The following LEKR1 variants were observed in gnomAD, a reference collection of about 807,000 sequenced individuals.
The protein encoded by LEKR1 is protein LEKR1.
Under a neutral mutation model 72.4 loss-of-function variants are expected in LEKR1, and 59 were observed. That is an observed-to-expected ratio of 0.82 (90% CI 0.66 to 1.01). LEKR1 has a LOEUF of 1.01. Among genes scored for constraint, LEKR1 ranks in the 50% least tolerant of loss-of-function variants. The pLI, the probability that LEKR1 is intolerant of heterozygous loss-of-function variation, is 0.00. For synonymous variants in LEKR1, 257 were observed against 263.2 expected (o/e 0.98, Z 0.23); for missense variants, 728 against 759.2 (o/e 0.96, Z 0.48).
chr3:156,927,287 A>G (rs1294281556), intron 4 of LEKR1, 142 bp from the exon 5 acceptor site: 4 of 246,438 alleles, frequency 1.6e-5, no homozygotes, highest in Non-Finnish European at 3.1e-5. Flanking sequence ...GTCTCAGCAT[A>G]ATATGAATAC....
At chr3:157,033,751 A>C (rs148123574) in intron 12 of LEKR1, among the ~76,000 whole-genome samples, 1 of 152,228 alleles carries the variant, frequency 6.6e-6, no homozygotes, top group African/African-American at 2.4e-5. Context: ...ACAACCTTCT[A>C]TTGGAAGAAG....
chr3:156,855,402 A>T (rs1560027985), intron 3 of LEKR1, among the ~76,000 whole-genome samples: 1 of 152,124 alleles, frequency 6.6e-6, no homozygotes, highest in South Asian at 2.1e-4. Flanking sequence ...GAAGCTGAAC[A>T]TTTGTTTGTG....
intron 3 of LEKR1, among the ~76,000 whole-genome samples, chr3:156,883,158 T>TAAAG (rs765275377): frequency 7.2e-4 from 103 of 142,932 alleles, no homozygotes; most frequent in Non-Finnish European, 1.3e-3. Context: ...ATAATAATAA[T>TAAAG]AAAGAACGAA....
At chr3:156,846,847 C>T (rs1397328017) in intron 2 of LEKR1, among the ~76,000 whole-genome samples, 1 of 152,028 alleles carries the variant, frequency 6.6e-6, no homozygotes, top group Non-Finnish European at 1.5e-5. Context: ...AGGTCTTGCT[C>T]TGTTGCCCAG....
intron 9 of LEKR1, among the ~76,000 whole-genome samples, chr3:157,010,363 G>A (rs1050784074): frequency 6.6e-6 from 1 of 152,014 alleles, no homozygotes; most frequent in Non-Finnish European, 1.5e-5. Context: ...TGTCAGAGAT[G>A]ATTCAAACCT....
chr3:156,939,718 T>A (rs1726030344), intron 5 of LEKR1, among the ~76,000 whole-genome samples: 1 of 152,138 alleles, frequency 6.6e-6, no homozygotes. Context: ...TTTTTTAAAA[T>A]GAAGTTTTTA....
At chr3:156,921,238 G>A (rs1724165380) in intron 4 of LEKR1, among the ~76,000 whole-genome samples, 1 of 152,036 alleles carries the variant, frequency 6.6e-6, no homozygotes, top group South Asian at 2.1e-4. Flanking sequence ...ATGTTTATGA[G>A]AAAGAATAGT....
chr3:156,829,343 T>C lies in LEKR1; in HGVS notation c.14T>C (p.Ile5Thr). 1 of 1,534,776 alleles carries C rather than the reference T, an allele frequency of 6.5e-7. No homozygotes were observed. The highest frequency in any genetic ancestry group is 8.7e-7 in the Non-Finnish European group (1 of 1,145,582). MDHH[I>T]PMHALPEEIQ... Reference sequence around the variant, plus strand: ...TTTTGGGAAGTTATGGATCATCACATTCCCATGCATGCGTTGCCTGAAGAA... The same window carrying C: ...TTTTGGGAAGTTATGGATCATCACACTCCCATGCATGCGTTGCCTGAAGAA... The change falls in exon 2 of 13, where the codon ATT (isoleucine) becomes ACT (threonine). Residue 5 changes from isoleucine (I) to threonine (T), a missense_variant. Transcript: ENST00000356539.
intron 10 of LEKR1, among the ~76,000 whole-genome samples, chr3:157,020,293 T>A (rs972943648): frequency 2.9e-5 from 4 of 137,978 alleles, no homozygotes; most frequent in Non-Finnish European, 6.4e-5. Flanking sequence ...TTATTATTAT[T>A]ATACTTTAAG....
chr3:156,874,606 G>A (rs760789223), intron 3 of LEKR1, among the ~76,000 whole-genome samples: 26 of 151,892 alleles, frequency 1.7e-4, no homozygotes, highest in African/African-American at 3.1e-4. Flanking sequence ...GTTCTTTAGC[G>A]GTAATTTCTG....
rs79142884 is a variant in LEKR1, at chr3:157,025,895, C to T, written c.1368+971C>T. On this transcript the variant is annotated intron_variant, in intron 11 of 12. Transcript: ENST00000356539. ...AAAAGACTTAATTAGCCTAGTGTGA[C>T]GGTTCATACCTGTAGTATGTTCATA... is the stretch of plus-strand genomic sequence containing the variant. 3.4e-3 allele frequency among the ~76,000 whole-genome samples: 520 copies of T among 151,600 alleles called. 4 individuals are homozygous for T. The highest frequency in any genetic ancestry group is 0.012 in the African/African-American group (493 of 41,336).
Position 157,045,724 on chromosome 3 carries a change from C to A in LEKR1, c.2053C>A (p.Leu685Ile). ...NETRQRLAAI[L>I]RRRRSQQ The stretch of plus-strand genomic sequence containing the variant: ...GACTAGACAGAGACTGGCTGCCATT[C>A]TTAGGAGAAGGCGGAGTCAGCAATG... Residue 685 changes from leucine (L) to isoleucine (I), a missense_variant, in exon 13 of 13, where the codon CTT (leucine) becomes ATT (isoleucine). Leu to Ile is a conservative substitution (Grantham distance 5, BLOSUM62 2). Coordinates refer to ENST00000356539, the MANE Select transcript of LEKR1 (RefSeq NM_001004316.3). 1 of 1,610,720 alleles carries A rather than the reference C, an allele frequency of 6.2e-7. No individual in the cohort carries two copies. The highest frequency in any genetic ancestry group is 8.5e-7 in the Non-Finnish European group (1 of 1,179,956).
chr3:156,854,601 A>G (rs1309085059), intron 3 of LEKR1, among the ~76,000 whole-genome samples: 1 of 148,678 alleles, frequency 6.7e-6, no homozygotes, highest in South Asian at 2.1e-4. Context: ...GTGAAATGGC[A>G]CTATACACGG....
chr3:157,011,754 A>C (rs926793421), intron 10 of LEKR1, among the ~76,000 whole-genome samples: 2 of 152,122 alleles, frequency 1.3e-5, no homozygotes, highest in African/African-American at 4.8e-5. Flanking sequence ...CTCATGAAAA[A>C]GCATTTTTTT....
chr3:156,847,573 T>G (rs185858167), intron 2 of LEKR1, among the ~76,000 whole-genome samples: 3 of 152,332 alleles, frequency 2.0e-5, no homozygotes, highest in Admixed American at 6.5e-5. Flanking sequence ...TTCTCAAGTT[T>G]CACAAAAATG....
chr3:156,933,264 ACATT>A (rs1334803338), intron 5 of LEKR1, among the ~76,000 whole-genome samples: 3 of 152,290 alleles, frequency 2.0e-5, no homozygotes, highest in Admixed American at 1.3e-4. Flanking sequence ...CATTATTTAA[ACATT>A]CATATATGTC....
intron 10 of LEKR1, among the ~76,000 whole-genome samples, chr3:157,012,060 A>G (rs1732935411): frequency 6.6e-6 from 1 of 152,134 alleles, no homozygotes; most frequent in Non-Finnish European, 1.5e-5. Flanking sequence ...CAAAGTTTCA[A>G]CAATGAATAG....
intron 2 of LEKR1, among the ~76,000 whole-genome samples, chr3:156,844,762 T>C (rs1341789119): frequency 6.6e-6 from 1 of 152,132 alleles, no homozygotes; most frequent in Non-Finnish European, 1.5e-5. Flanking sequence ...TACCTACTCA[T>C]TGAAGGGAAT....
chr3:156,983,207 T>G (rs1730387993), intron 7 of LEKR1, among the ~76,000 whole-genome samples: 1 of 152,150 alleles, frequency 6.6e-6, no homozygotes, highest in African/African-American at 2.4e-5. Context: ...ATAGAAAGGA[T>G]AGTAGAAAGG....
Sources: allele counts gnomAD v4.1 joint callset (sites outside exome capture counted in the v4.1 genomes callset), GRCh38; gene constraint gnomAD v4.1.1; transcripts MANE v1.5; gene names NCBI Gene and HGNC (gene_info 2026-07-23, HGNC 2026-07-21).